Variants in ZC3H12C observed in about 807,000 individuals in gnomAD.
ZC3H12C encodes zinc finger CCCH-type containing 12C, also known as probable ribonuclease ZC3H12C.
A neutral mutation model predicts 76.3 loss-of-function variants in ZC3H12C; 20 were observed. The observed-to-expected ratio is 0.26, with a 90% CI of 0.18 to 0.38. The LOEUF is 0.38. Among genes scored for constraint, ZC3H12C ranks in the 10% least tolerant of loss-of-function variants. ZC3H12C has a pLI of 1.00. For missense variants in ZC3H12C, 874 were observed against 1,086.5 expected (o/e 0.80, Z 2.75); for synonymous variants, 352 against 399.6 (o/e 0.88, Z 1.42).
rs1377660751 is a variant in ZC3H12C at position 110,137,420 on chromosome 11, T to C, written c.773+6T>C. 2 of 1,575,392 alleles carry C rather than the reference T, an allele frequency of 1.3e-6. No homozygotes were observed. The highest frequency in any genetic ancestry group is 1.7e-6 in the Non-Finnish European group (2 of 1,164,974). On this transcript the variant is annotated splice_donor_region_variant and intron_variant, in intron 2 of 5. Transcript: ENST00000278590. The stretch of plus-strand genomic sequence containing the variant: ...GGCAGCAATGTGGCAATGAGGTAAG[T>C]GGAAAAATCGTTACTGAAAATTACT...
In ZC3H12C at chr11:110,169,965, C is replaced by T. The variant is rs988499648; in HGVS notation, c.*4228C>T. On this transcript the variant is annotated 3_prime_UTR_variant, in exon 6 of 6. Transcript: ENST00000278590. The stretch of plus-strand genomic sequence containing the variant: ...AACTTTATTTACAGAAACGGGAAGC[C>T]GGTCAGATTGGGCCTGTGGGCCATA... The T allele has an allele frequency of 1.3e-5, 2 of 152,164 alleles. No individual in the cohort carries two copies. The highest frequency in any genetic ancestry group is 1.9e-4 in the East Asian group (1 of 5,206). The allele number at this position is 152,164 out of a possible 1,614,324, so 9.4% of individuals were successfully genotyped here. A position where few individuals can be genotyped will look rare whatever the true frequency, so the allele number is the denominator to read the frequency against.
At chr11:110,158,764 A>G (rs1449996248) in intron 3 of ZC3H12C, among the ~76,000 whole-genome samples, 2 of 152,190 alleles carry the variant, frequency 1.3e-5, no homozygotes, top group Non-Finnish European at 2.9e-5. Flanking sequence ...TCTCTTTGCT[A>G]CCTGGACAAC....
intron 2 of ZC3H12C, among the ~76,000 whole-genome samples, chr11:110,147,239 A>T (rs1862187729): frequency 6.6e-6 from 1 of 152,190 alleles, no homozygotes; most frequent in South Asian, 2.1e-4. Context: ...ATAACTCTTT[A>T]AGATGGGTAC....
intron 1 of ZC3H12C, among the ~76,000 whole-genome samples, chr11:110,098,550 C>T (rs767750043): frequency 6.6e-5 from 10 of 152,212 alleles, no homozygotes; most frequent in African/African-American, 9.6e-5. Flanking sequence ...CTGACTTATC[C>T]AGAGCAACTT....
chr11:110,164,213 C>A lies in ZC3H12C; in HGVS notation c.1256-128C>A. Reference sequence around the variant, plus strand: ...AGTGACGTTTCTCAAGAGTAAAGAACAGAGTGACACTTAGCACAGCTCCCA... The same window carrying A: ...AGTGACGTTTCTCAAGAGTAAAGAAAAGAGTGACACTTAGCACAGCTCCCA... On this transcript the variant is annotated intron_variant, in intron 5 of 5. Transcript: ENST00000278590. The surrounding 1 kb of genome is among the most constrained non-coding windows in gnomAD (Gnocchi z 5.7). 1 of 808,994 alleles carries A rather than the reference C, an allele frequency of 1.2e-6. No individual in the cohort carries two copies. Among genetic ancestry groups the A allele is most frequent in the Non-Finnish European group, 1.9e-6 (1 of 533,498 alleles). The allele number at this position is 808,994 out of a possible 1,614,324, so 50.1% of individuals were successfully genotyped here. A position where few individuals can be genotyped will look rare whatever the true frequency, so the allele number is the denominator to read the frequency against.
At chr11:110,129,836 A>G (rs1484724338) in intron 1 of ZC3H12C, among the ~76,000 whole-genome samples, 1 of 151,740 alleles carries the variant, frequency 6.6e-6, no homozygotes, top group Non-Finnish European at 1.5e-5. Flanking sequence ...TTTTTTGTTC[A>G]TAATCAGAGG....
intron 1 of ZC3H12C, among the ~76,000 whole-genome samples, chr11:110,099,742 G>A (rs763160992): frequency 1.3e-5 from 2 of 151,356 alleles, no homozygotes; most frequent in Non-Finnish European, 2.9e-5. Context: ...AACCCAGGAG[G>A]CAGAGGTTGC....
chr11:110,163,371 G>C lies in ZC3H12C; in HGVS notation c.1247G>C (p.Cys416Ser). The change falls in exon 5 of 6, where the codon TGT (cysteine) becomes TCT (serine). Residue 416 changes from cysteine (C) to serine (S), a missense_variant. By Grantham distance (112) the Cys-to-Ser change is moderately radical (BLOSUM62 -1). This residue lies in a region of ZC3H12C where 269 missense variants were observed against 424.9 expected (regional missense o/e 0.63). Coordinates refer to ENST00000278590, the MANE Select transcript of ZC3H12C (RefSeq NM_033390.2). The stretch of plus-strand genomic sequence containing the variant: ...GTTCCTGAACACAAAAAGCAGCCTT[G>C]TCCATATGGTAACTTGCTTTGTGAA... Reference protein sequence around the residue: ...PIVPEHKKQPCPYGKKCTYGH... With the variant: ...PIVPEHKKQPSPYGKKCTYGH... The C allele has an allele frequency of 6.2e-7, 1 of 1,611,086 alleles. No homozygotes were observed. The highest frequency in any genetic ancestry group is 8.5e-7 in the Non-Finnish European group (1 of 1,178,602).
chr11:110,171,724 T>C lies in ZC3H12C; in HGVS notation c.*5987T>C, dbSNP rs1312004081. The C allele has an allele frequency of 2.6e-5, 4 of 152,224 alleles. No homozygotes were observed. Among genetic ancestry groups the C allele is most frequent in the African/African-American group, 9.6e-5 (4 of 41,454 alleles). The allele number at this position is 152,224 out of a possible 1,614,324, so 9.4% of individuals were successfully genotyped here. On this transcript the variant is annotated 3_prime_UTR_variant, in exon 6 of 6. Transcript: ENST00000278590. ...ACTTCTCTAGTTTGCCTGCATTCAGTGGCTAACATTATGAGCATTGTGTAA... is the reference window on the plus strand; with the variant it reads ...ACTTCTCTAGTTTGCCTGCATTCAGCGGCTAACATTATGAGCATTGTGTAA...
At chr11:110,111,947 G>A (rs1299824462) in intron 1 of ZC3H12C, among the ~76,000 whole-genome samples, 2 of 140,484 alleles carry the variant, frequency 1.4e-5, no homozygotes, top group Non-Finnish European at 3.1e-5. Context: ...ATCTTTCAGT[G>A]CATGTGCATG....
chr11:110,138,019 C>G (rs1224926897), intron 2 of ZC3H12C, among the ~76,000 whole-genome samples: 1 of 151,928 alleles, frequency 6.6e-6, no homozygotes, highest in Non-Finnish European at 1.5e-5. Flanking sequence ...TTCGAGAGGT[C>G]AAGATGGAAG....
intron 1 of ZC3H12C, among the ~76,000 whole-genome samples, chr11:110,125,906 G>T (rs1555018579): frequency 6.6e-6 from 1 of 151,776 alleles, no homozygotes; most frequent in Non-Finnish European, 1.5e-5. Flanking sequence ...AATCATCAGA[G>T]AGATAGTCTA....
In ZC3H12C at chr11:110,099,051, C is replaced by T. The variant is rs112534505; in HGVS notation, c.21+5619C>T. On this transcript the variant is annotated intron_variant, in intron 1 of 5. Transcript: ENST00000278590. ...CTTGTAGAACTTGATATCCTACATTCGCTCTCTCATTTAACGTACACTAAG... is the reference window on the plus strand; with the variant it reads ...CTTGTAGAACTTGATATCCTACATTTGCTCTCTCATTTAACGTACACTAAG... 3.9e-3 allele frequency among the ~76,000 whole-genome samples: 600 copies of T among 152,250 alleles called. 10 individuals are homozygous for T. The highest frequency in any genetic ancestry group is 0.014 in the African/African-American group (562 of 41,546).
chr11:110,151,944 G>A (rs1433267047), intron 2 of ZC3H12C, among the ~76,000 whole-genome samples: 1 of 151,466 alleles, frequency 6.6e-6, no homozygotes, highest in African/African-American at 2.4e-5. Flanking sequence ...ATATTAATAT[G>A]CCTAAAGTTT....
rs1020233595 is a variant in ZC3H12C at position 110,169,058 on chromosome 11, G to C, written c.*3321G>C. 1 of 151,930 alleles carries C rather than the reference G, an allele frequency of 6.6e-6. No homozygotes were observed. The highest frequency in any genetic ancestry group is 1.5e-5 in the Non-Finnish European group (1 of 67,960). The allele number at this position is 151,930 out of a possible 1,614,324, so 9.4% of individuals were successfully genotyped here. A position where few individuals can be genotyped will look rare whatever the true frequency, so the allele number is the denominator to read the frequency against. On this transcript the variant is annotated 3_prime_UTR_variant, in exon 6 of 6. Coordinates refer to ENST00000278590, the MANE Select transcript of ZC3H12C (RefSeq NM_033390.2). The stretch of plus-strand genomic sequence containing the variant: ...TTGAGTTGTGAACGACCGAGTCTGG[G>C]GTCTGGACGGCCAATGATAAGATTT...
chr11:110,130,908 C>G, intron 1 of ZC3H12C: 1 of 939,658 alleles, frequency 1.1e-6, no homozygotes, highest in South Asian at 1.7e-5. Context: ...ATCTGCCCGG[C>G]CAACTAATTG....
At chr11:110,106,715 GA>G (rs1421824812) in intron 1 of ZC3H12C, among the ~76,000 whole-genome samples, 1 of 152,164 alleles carries the variant, frequency 6.6e-6, no homozygotes, top group African/African-American at 2.4e-5. Context: ...GGTAGTGGCT[GA>G]TATAAAAGAA....
chr11:110,159,945 C>T (rs1862449711), intron 4 of ZC3H12C, among the ~76,000 whole-genome samples: 1 of 152,254 alleles, frequency 6.6e-6, no homozygotes, highest in Non-Finnish European at 1.5e-5. Flanking sequence ...AGTGTACTTA[C>T]ACAAACCAGC....
At chr11:110,111,540 C>CT (rs879491780) in intron 1 of ZC3H12C, among the ~76,000 whole-genome samples, 91 of 67,168 alleles carry the variant, frequency 1.4e-3, no homozygotes, top group Admixed American at 2.3e-3. Context: ...TCCCCAGTAG[C>CT]TTTTTTTTTT....
Sources: gnomAD v4.1 joint callset for allele counts (sites outside exome capture counted in the v4.1 genomes callset) on GRCh38, gnomAD v4.1.1 for gene constraint, gnomAD v4.1.1 regional missense constraint, Gnocchi (gnomAD v3.1) non-coding constraint, MANE v1.5 for transcripts, NCBI Gene and HGNC (gene_info 2026-07-23, HGNC 2026-07-21) for gene names.